KIAA1958: variants seen among roughly 807,000 people sequenced by gnomAD.
The protein encoded by KIAA1958 is KIAA1958.
Under a neutral mutation model 47.2 loss-of-function variants are expected in KIAA1958, and 14 were observed. The observed-to-expected ratio is 0.30, with a 90% CI of 0.20 to 0.46. KIAA1958 has a LOEUF of 0.46. Ranked by LOEUF, KIAA1958 falls within the 20% of genes least tolerant of loss-of-function variation. The pLI, the probability that KIAA1958 is intolerant of heterozygous loss-of-function variation, is 1.00. For synonymous variants in KIAA1958, 354 were observed against 353.3 expected (o/e 1.00, Z -0.02); for missense variants, 803 against 909.2 (o/e 0.88, Z 1.50).
chr9:112,624,199 C>G (rs1273317089), intron 2 of KIAA1958, among the ~76,000 whole-genome samples: 1 of 152,202 alleles, frequency 6.6e-6, no homozygotes, highest in Non-Finnish European at 1.5e-5. Context: ...AGTTCTCTAT[C>G]AGCTTAATAA....
intron 1 of KIAA1958, among the ~76,000 whole-genome samples, chr9:112,502,759 G>A (rs1026505760): frequency 2.6e-5 from 4 of 152,186 alleles, no homozygotes; most frequent in African/African-American, 9.7e-5. Context: ...GAGTAGTTAC[G>A]ATAGAGATCT....
intron 2 of KIAA1958, among the ~76,000 whole-genome samples, chr9:112,597,215 T>C (rs1836047212): frequency 6.6e-6 from 1 of 152,250 alleles, no homozygotes; most frequent in Non-Finnish European, 1.5e-5. Flanking sequence ...CATATGCTGT[T>C]GGCTCTCTGT....
intron 2 of KIAA1958, among the ~76,000 whole-genome samples, chr9:112,591,123 G>A (rs185517373): frequency 2.0e-5 from 3 of 152,122 alleles, no homozygotes; most frequent in Non-Finnish European, 4.4e-5. Context: ...TCGCTCTGTC[G>A]CCCAGGCTGG....
At position 112,660,941 on chromosome 9, in the gene KIAA1958, G is replaced by A. The variant is rs1837267179; in HGVS notation, c.*872G>A. 6.6e-6 allele frequency: 1 copy of A among 152,146 alleles called. No individual in the cohort carries two copies. 9.4% of individuals were successfully genotyped at this position (152,146 alleles called of 1,614,324 possible). On this transcript the variant is annotated 3_prime_UTR_variant, in exon 4 of 4. Transcript: ENST00000337530. Reference sequence around the variant, plus strand: ...CTCCTTTGATTGGAACATTTTTTGAGGTTTCTGTCTGTTCTTCGTGTCATC... The same window carrying A: ...CTCCTTTGATTGGAACATTTTTTGAAGTTTCTGTCTGTTCTTCGTGTCATC...
chr9:112,489,827 C>T (rs1178187846), intron 1 of KIAA1958, among the ~76,000 whole-genome samples: 1 of 152,076 alleles, frequency 6.6e-6, no homozygotes, highest in East Asian at 1.9e-4. Flanking sequence ...CTAGCATTTT[C>T]CTGTTTATTG....
At position 112,618,843 on chromosome 9, in the gene KIAA1958, C is replaced by G. The variant is rs978954103; in HGVS notation, c.1172-26807C>G. ...AATCTGAGCCAGCAGGCTGCCCAGT[C>G]AGTGGCCGGCCACTCCAACAATGGC... On this transcript the variant is annotated intron_variant, in intron 2 of 3. Transcript: ENST00000337530. This position sits in a 1 kb window ranked among gnomAD's most constrained non-coding sequence, Gnocchi z 7.1. 1.9e-6 allele frequency: 3 copies of G among 1,550,268 alleles called. No individual in the cohort carries two copies. The highest frequency in any genetic ancestry group is 1.4e-5 in the African/African-American group (1 of 73,036).
At chr9:112,588,511 A>G (rs1435797074) in intron 2 of KIAA1958, among the ~76,000 whole-genome samples, 2 of 152,228 alleles carry the variant, frequency 1.3e-5, no homozygotes, top group African/African-American at 4.8e-5. Flanking sequence ...GAAAGAAAAA[A>G]GCATGCTACC....
At chr9:112,626,118 C>T (rs1248545687) in intron 2 of KIAA1958, among the ~76,000 whole-genome samples, 1 of 151,944 alleles carries the variant, frequency 6.6e-6, no homozygotes. Flanking sequence ...TAGGAAGTTT[C>T]TGAAGTAAAT....
In KIAA1958 at chr9:112,569,569, C is replaced by G. The variant is rs141165631; in HGVS notation, c.-24-4488C>G. Among the ~76,000 whole-genome samples, 15 of 152,078 alleles carry G rather than the reference C, an allele frequency of 9.9e-5. No individual in the cohort carries two copies. The East Asian group carries it at 1.9e-3, about 20-fold the overall frequency. On this transcript the variant is annotated intron_variant, in intron 1 of 3. Transcript: ENST00000337530. ...TGAATTTCCTGCCAAATGCATTAGG[C>G]TGAATGGGAAACACAAACTTTATTG...
At chr9:112,531,144 T>G (rs930577624) in intron 1 of KIAA1958, among the ~76,000 whole-genome samples, 1 of 152,208 alleles carries the variant, frequency 6.6e-6, no homozygotes, top group African/African-American at 2.4e-5. Flanking sequence ...ATCCCAGGAC[T>G]TTGGGAGGCC....
rs917439324 is a variant in KIAA1958, at chr9:112,504,212, A to G, written c.-25+17094A>G. On this transcript the variant is annotated intron_variant, in intron 1 of 3. Coordinates refer to ENST00000337530, the MANE Select transcript of KIAA1958 (RefSeq NM_133465.4). ...TCTTTTTTTTTTTTTTTGGAGACAG[A>G]GTCTCACTCAATCACCCAGGCTGGA... is the stretch of plus-strand genomic sequence containing the variant. Among the ~76,000 whole-genome samples, 87 of 149,298 alleles carry G rather than the reference A, an allele frequency of 5.8e-4. 1 individual carries two copies. The highest frequency in any genetic ancestry group is 2.1e-3 in the African/African-American group (87 of 40,706).
chr9:112,537,666 C>T lies in KIAA1958; in HGVS notation c.-24-36391C>T, dbSNP rs114056265. 3.8e-3 allele frequency among the ~76,000 whole-genome samples: 585 copies of T among 152,296 alleles called. 5 individuals are homozygous for T. The highest frequency in any genetic ancestry group is 0.014 in the African/African-American group (565 of 41,548). On this transcript the variant is annotated intron_variant, in intron 1 of 3. Transcript: ENST00000337530. ...ATGCAAGGTTGACAAAGATATGGAG[C>T]AACAGGAGTGCTCTTACATGCTGGT...
intron 1 of KIAA1958, among the ~76,000 whole-genome samples, chr9:112,495,334 T>C (rs1245427328): frequency 1.3e-5 from 2 of 152,242 alleles, no homozygotes. Flanking sequence ...CCTGTACTTT[T>C]GGAGAAGGTT....
At position 112,608,570 on chromosome 9, in the gene KIAA1958, C is replaced by T. The variant is rs186146428; in HGVS notation, c.1171+33319C>T. ...TTGGGAGTCCAAGGTGGGTGGATCA[C>T]TTGAGCTCAGGAGTTTGAGACCAGC... On this transcript the variant is annotated intron_variant, in intron 2 of 3. Transcript: ENST00000337530. Among the ~76,000 whole-genome samples, 661 of 152,276 alleles carry T rather than the reference C, an allele frequency of 4.3e-3. 4 individuals carry two copies. Among genetic ancestry groups the T allele is most frequent in the Middle Eastern group, 0.014 (4 of 294 alleles).
intron 2 of KIAA1958, among the ~76,000 whole-genome samples, chr9:112,634,246 G>T (rs1012248299): frequency 6.6e-6 from 1 of 151,758 alleles, no homozygotes; most frequent in African/African-American, 2.4e-5. Context: ...TCCTTTTTTT[G>T]GGATGGAGTT....
Position 112,506,252 on chromosome 9 carries a change from C to T in KIAA1958, c.-25+19134C>T, listed in dbSNP as rs1159501003. The stretch of plus-strand genomic sequence containing the variant: ...CAGGCGGATCACAAGGTCAGGAGAT[C>T]GAGACCATTCTGGCTAACACGGTGA... On this transcript the variant is annotated intron_variant, in intron 1 of 3. Transcript: ENST00000337530. 3.3e-5 allele frequency among the ~76,000 whole-genome samples: 5 copies of T among 152,214 alleles called. 1 individual carries two copies. Among genetic ancestry groups the T allele is most frequent in the East Asian group, 3.9e-4 (2 of 5,180 alleles).
At chr9:112,505,076 T>C (rs569749713) in intron 1 of KIAA1958, among the ~76,000 whole-genome samples, 1 of 152,340 alleles carries the variant, frequency 6.6e-6, no homozygotes, top group South Asian at 2.1e-4. Flanking sequence ...CTGTTATCTG[T>C]CTTTCCATTC....
chr9:112,574,286 A>G lies in KIAA1958; in HGVS notation c.206A>G (p.Gln69Arg). Reference protein sequence around the residue: ...PLTATCRAGSQERVCFQDNRS... With the variant: ...PLTATCRAGSRERVCFQDNRS... ...ACAGCTACTTGCAGAGCTGGGTCCC[A>G]AGAGAGGGTCTGTTTCCAGGATAAC... The change falls in exon 2 of 4, where the codon CAA becomes CGA. Residue 69 changes from glutamine (Q) to arginine (R), a missense_variant. Coordinates refer to ENST00000337530, the MANE Select transcript of KIAA1958 (RefSeq NM_133465.4). 6.2e-7 allele frequency: 1 copy of G among 1,614,176 alleles called. No individual in the cohort carries two copies. Among genetic ancestry groups the G allele is most frequent in the Non-Finnish European group, 8.5e-7 (1 of 1,180,004 alleles).
intron 1 of KIAA1958, among the ~76,000 whole-genome samples, chr9:112,534,409 T>C (rs1183172940): frequency 6.6e-6 from 1 of 152,236 alleles, no homozygotes; most frequent in Non-Finnish European, 1.5e-5. Flanking sequence ...CAGGGTATAT[T>C]AATTTGCATT....
Sources: gnomAD v4.1 joint callset for allele counts (sites outside exome capture counted in the v4.1 genomes callset) on GRCh38, gnomAD v4.1.1 for gene constraint, Gnocchi (gnomAD v3.1) non-coding constraint, MANE v1.5 for transcripts, NCBI Gene and HGNC (gene_info 2026-07-23, HGNC 2026-07-21) for gene names.